The following HOXB7 variants were observed in gnomAD, a reference collection of about 807,000 sequenced individuals.
HOXB7 encodes the protein homeobox B7, also known as homeobox protein Hox-B7.
Under a neutral mutation model 19.2 loss-of-function variants are expected in HOXB7, and 11 were observed. That is an observed-to-expected ratio of 0.57 (90% confidence interval 0.36 to 0.95). The LOEUF (loss-of-function observed/expected upper bound fraction) is 0.95, where lower values mean the gene tolerates loss of function less well. Among genes scored for constraint, HOXB7 ranks in the 40% least tolerant of loss-of-function variants. The pLI, the probability that HOXB7 is intolerant of heterozygous loss-of-function variation, is 0.01. For missense variants in HOXB7, 318 were observed against 301.1 expected (o/e 1.06, Z -0.42); for synonymous variants, 141 against 130.2 (o/e 1.08, Z -0.56).
In HOXB7 at chr17:48,610,679, G is replaced by T; in HGVS notation, c.240C>A (p.Leu80=). Residue 80 remains leucine (L), a synonymous_variant, in exon 1 of 2, where the codon CTC becomes CTA. Coordinates refer to ENST00000239165, the MANE Select transcript of HOXB7 (RefSeq NM_004502.4). ...AGTGCATGTTGAAGGAACTCGGCTC[G>T]AGCCCATAGCCGGCCGCGTAGACGC... ...AAGVYAAGYG[L]EPSSFNMHCA... is the part of the protein sequence containing the mutation. The T allele has an allele frequency of 6.4e-7, 1 of 1,570,530 alleles. No homozygotes were observed. The highest frequency in any genetic ancestry group is 8.6e-7 in the Non-Finnish European group (1 of 1,159,910).
Position 48,610,583 on chromosome 17 carries a change from C to T in HOXB7, c.336G>A (p.Glu112=). ...CGGCCGCCAAGTCCGAGTCCCTCTG[C>T]TCCTTGGCGCCCGCCGCCTTGGCGG... ...GDSAKAAGAK[E]QRDSDLAAES... Residue 112 remains glutamate (E), a synonymous_variant, in exon 1 of 2, where the codon GAG becomes GAA. Transcript: ENST00000239165. 1 of 1,549,662 alleles carries T rather than the reference C, an allele frequency of 6.5e-7. No individual in the cohort carries two copies. Among genetic ancestry groups the T allele is most frequent in the Non-Finnish European group, 8.7e-7 (1 of 1,146,168 alleles).
intron 1 of HOXB7, among the ~76,000 whole-genome samples, chr17:48,609,290 CA>C (rs1299467925): frequency 6.6e-6 from 1 of 152,112 alleles, no homozygotes; most frequent in African/African-American, 2.4e-5. Flanking sequence ...GGGAAGGAGA[CA>C]AGGGAGGAGG....
Position 48,607,785 on chromosome 17 carries a change from C to A in HOXB7, c.*57G>T. ...GAGTTTCCTGATTCAGTTCCCAGAG[C>A]TGGGCTTCTCTTCCTCTCCCTTTCT... On this transcript the variant is annotated 3_prime_UTR_variant, in exon 2 of 2. Coordinates refer to ENST00000239165, the MANE Select transcript of HOXB7 (RefSeq NM_004502.4). The A allele has an allele frequency of 1.5e-6, 2 of 1,369,644 alleles. No individual in the cohort carries two copies. The highest frequency in any genetic ancestry group is 1.3e-5 in the South Asian group (1 of 77,566). The allele number at this position is 1,369,644 out of a possible 1,614,324, so 84.8% of individuals were successfully genotyped here. A position where few individuals can be genotyped will look rare whatever the true frequency, so the allele number is the denominator to read the frequency against.
intron 1 of HOXB7, 145 bp downstream of exon 1, chr17:48,610,374 G>A (rs539109612): frequency 3.0e-6 from 2 of 671,830 alleles, no homozygotes; most frequent in South Asian, 4.2e-5. Flanking sequence ...GCTGGGTCGC[G>A]GCCCAGTGGG....
rs755022414 is a variant in HOXB7, at chr17:48,610,733, C to A, written c.186G>T (p.Gly62=). The change falls in exon 1 of 2, where the codon GGG becomes GGT. Residue 62 remains glycine, a synonymous_variant. Coordinates refer to ENST00000239165, the MANE Select transcript of HOXB7 (RefSeq NM_004502.4). ...AASMQGLYPG[G]GGMAGQSAAG... is the part of the protein sequence containing the mutation. ...CCGCGCTCTGGCCCGCCATGCCCCC[C>A]CCGCCGGGGTACAAGCCCTGCATCG... 38 of 1,600,138 alleles carry A rather than the reference C, an allele frequency of 2.4e-5. No homozygotes were observed. The highest frequency in any genetic ancestry group is 1.0e-4 in the Admixed American group (6 of 58,272).
intron 1 of HOXB7, 121 bp from the exon 2 acceptor site, chr17:48,608,216 G>A (rs897390701): frequency 5.5e-6 from 7 of 1,265,350 alleles, no homozygotes; most frequent in Middle Eastern, 2.8e-4. Context: ...GAGGTCAGGA[G>A]ATCGAGACCA....
intron 1 of HOXB7, among the ~76,000 whole-genome samples, chr17:48,609,611 A>T (rs933817305): frequency 2.0e-5 from 3 of 152,206 alleles, no homozygotes; most frequent in African/African-American, 7.2e-5. Flanking sequence ...ATGGAACCTC[A>T]GCCTCTTGGG....
chr17:48,610,560 G>A lies in HOXB7; in HGVS notation c.359C>T (p.Ala120Val), dbSNP rs1178413203. 2.6e-6 allele frequency: 4 copies of A among 1,530,074 alleles called. No homozygotes were observed. The highest frequency in any genetic ancestry group is 3.5e-6 in the Non-Finnish European group (4 of 1,134,884). 94.8% of individuals were successfully genotyped at this position (1,530,074 alleles called of 1,614,324 possible). The change falls in exon 1 of 2, where the codon GCC (alanine) becomes GTC (valine). Residue 120 changes from alanine (A) to valine (V), a missense_variant. Physicochemically the swap from Ala to Val is moderately conservative, Grantham distance 64 (BLOSUM62 0). Transcript: ENST00000239165. Reference protein sequence around the residue: ...AKEQRDSDLAAESNFRIYPWM... With the variant: ...AKEQRDSDLAVESNFRIYPWM... ...GGGGTAGATCCGGAAGTTACTCTCG[G>A]CCGCCAAGTCCGAGTCCCTCTGCTC...
chr17:48,608,050 G>A lies in HOXB7; in HGVS notation c.446C>T (p.Thr149Ile), dbSNP rs2070604797. ...GTGAAATTCTTTCTCCAGCTCCAGG[G>A]TCTGGTAGCGGGTGTAGGTCTGGCG... ...RGRQTYTRYQ[T>I]LELEKEFHYN... Residue 149 changes from threonine (T) to isoleucine (I), a missense_variant, in exon 2 of 2, where the codon ACC (threonine) becomes ATC (isoleucine). By Grantham distance (89) the Thr-to-Ile change is moderately conservative. Coordinates refer to ENST00000239165, the MANE Select transcript of HOXB7 (RefSeq NM_004502.4). 6.2e-7 allele frequency: 1 copy of A among 1,614,208 alleles called. No individual in the cohort carries two copies. The highest frequency in any genetic ancestry group is 8.5e-7 in the Non-Finnish European group (1 of 1,180,048).
At position 48,608,049 on chromosome 17, in the gene HOXB7, G is replaced by A. The variant is rs763822704; in HGVS notation, c.447C>T (p.Thr149=). The A allele has an allele frequency of 5.0e-6, 8 of 1,614,180 alleles. No individual in the cohort carries two copies. The highest frequency in any genetic ancestry group is 5.9e-6 in the Non-Finnish European group (7 of 1,180,040). ...RGRQTYTRYQ[T]LELEKEFHYN... ...AGTGAAATTCTTTCTCCAGCTCCAGGGTCTGGTAGCGGGTGTAGGTCTGGC... is the reference window on the plus strand; with the variant it reads ...AGTGAAATTCTTTCTCCAGCTCCAGAGTCTGGTAGCGGGTGTAGGTCTGGC... Residue 149 remains threonine, a synonymous_variant, in exon 2 of 2, where the codon ACC becomes ACT. Coordinates refer to ENST00000239165, the MANE Select transcript of HOXB7 (RefSeq NM_004502.4).
In HOXB7 at chr17:48,608,078, C is replaced by A. The variant is rs1238714218; in HGVS notation, c.418G>T (p.Gly140Cys). ...TGGTAGCGGGTGTAGGTCTGGCGGCCTCGTTTGCGGTCAGTTCCTGCACAC... is the reference window on the plus strand; with the variant it reads ...TGGTAGCGGGTGTAGGTCTGGCGGCATCGTTTGCGGTCAGTTCCTGCACAC... Reference protein sequence around the residue: ...MRSSGTDRKRGRQTYTRYQTL... With the variant: ...MRSSGTDRKRCRQTYTRYQTL... Residue 140 changes from glycine (G) to cysteine (C), a missense_variant, in exon 2 of 2, where the codon GGC becomes TGC. Gly to Cys is a radical substitution (Grantham distance 159). Transcript: ENST00000239165. The A allele has an allele frequency of 6.2e-7, 1 of 1,612,716 alleles. No homozygotes were observed.
chr17:48,608,223 A>G, intron 1 of HOXB7, 128 bp from the exon 2 acceptor site: 1 of 1,215,624 alleles, frequency 8.2e-7, no homozygotes, highest in Non-Finnish European at 1.1e-6. Flanking sequence ...GGAGATCGAG[A>G]CCAACCTGGC....
rs377243732 is a variant in HOXB7 at position 48,610,572 on chromosome 17, G to C, written c.347C>G (p.Ser116Trp). 2.6e-6 allele frequency: 4 copies of C among 1,539,046 alleles called. No homozygotes were observed. The highest frequency in any genetic ancestry group is 2.8e-5 in the African/African-American group (2 of 72,352). Residue 116 changes from serine (S) to tryptophan (W), a missense_variant, in exon 1 of 2, where the codon TCG (serine) becomes TGG (tryptophan). Physicochemically the swap from Ser to Trp is radical, Grantham distance 177. Transcript: ENST00000239165. ...GAAGTTACTCTCGGCCGCCAAGTCC[G>C]AGTCCCTCTGCTCCTTGGCGCCCGC... ...KAAGAKEQRD[S>W]DLAAESNFRI...
At position 48,608,017 on chromosome 17, in the gene HOXB7, C is replaced by CGA; in HGVS notation, c.477_478dup (p.Arg160LeufsTer4). The CGA allele has an allele frequency of 6.2e-7, 1 of 1,614,194 alleles. No individual in the cohort carries two copies. The highest frequency in any genetic ancestry group is 8.5e-7 in the Non-Finnish European group (1 of 1,180,038). On this transcript the variant is annotated frameshift_variant, in exon 2 of 2. Coordinates refer to ENST00000239165, the MANE Select transcript of HOXB7 (RefSeq NM_004502.4). LOFTEE classifies it high-confidence loss of function. ...GATGCGCCGCCGCCGCGTCAGGTAG[C>CGA]GATTGTAGTGAAATTCTTTCTCCAG...
chr17:48,608,562 C>A (rs901295565), intron 1 of HOXB7, among the ~76,000 whole-genome samples: 9 of 152,136 alleles, frequency 5.9e-5, no homozygotes, highest in African/African-American at 2.2e-4. Context: ...GCTTTTCATA[C>A]CCCAGCCCTT....
chr17:48,608,549 C>T (rs767502505), intron 1 of HOXB7, among the ~76,000 whole-genome samples: 10 of 151,772 alleles, frequency 6.6e-5, no homozygotes, highest in Non-Finnish European at 1.5e-4. Flanking sequence ...AAACCAAATT[C>T]TGGCTTTTCA....
Position 48,607,703 on chromosome 17 carries a change from G to GTT in HOXB7, c.*137_*138dup, listed in dbSNP as rs373086048. 88 of 627,346 alleles carry GTT rather than the reference G, an allele frequency of 1.4e-4. No individual in the cohort carries two copies. The highest frequency in any genetic ancestry group is 3.5e-4 in the African/African-American group (18 of 51,394). 38.9% of individuals were successfully genotyped at this position (627,346 alleles called of 1,614,324 possible). A position where few individuals can be genotyped will look rare whatever the true frequency, so the allele number is the denominator to read the frequency against. Reference sequence around the variant, plus strand: ...TTTAAACTCCTTTCATTTAAATAGGGTTTTTTTTTTGTTTTTTTTGTTTTT... The same window carrying GTT: ...TTTAAACTCCTTTCATTTAAATAGGGTTTTTTTTTTTTGTTTTTTTTGTTTTT... On this transcript the variant is annotated 3_prime_UTR_variant, in exon 2 of 2. Coordinates refer to ENST00000239165, the MANE Select transcript of HOXB7 (RefSeq NM_004502.4).
chr17:48,610,123 G>C (rs975939270), intron 1 of HOXB7, among the ~76,000 whole-genome samples: 11 of 152,308 alleles, frequency 7.2e-5, no homozygotes, highest in East Asian at 1.9e-4. Context: ...AGCTGGGAAG[G>C]GGGGAGAAGG....
At position 48,610,667 on chromosome 17, in the gene HOXB7, G is replaced by A. The variant is rs1273548272; in HGVS notation, c.252C>T (p.Ser84=). 2.5e-6 allele frequency: 4 copies of A among 1,580,988 alleles called. No homozygotes were observed. In the South Asian group the frequency reaches 4.5e-5, roughly 18 times the overall value. ...YAAGYGLEPS[S]FNMHCAPFEQ... is the part of the protein sequence containing the mutation. ...CAAAGGGCGCGCAGTGCATGTTGAA[G>A]GAACTCGGCTCGAGCCCATAGCCGG... is the stretch of plus-strand genomic sequence containing the variant. The change falls in exon 1 of 2, where the codon TCC becomes TCT. Residue 84 remains serine (S), a synonymous_variant. Coordinates refer to ENST00000239165, the MANE Select transcript of HOXB7 (RefSeq NM_004502.4).
Sources: allele counts gnomAD v4.1 joint callset (sites outside exome capture counted in the v4.1 genomes callset), GRCh38; gene constraint gnomAD v4.1.1; transcripts MANE v1.5; gene names NCBI Gene and HGNC (gene_info 2026-07-23, HGNC 2026-07-21).